Variants in KYAT1 observed in about 807,000 individuals in gnomAD.
KYAT1 encodes the protein kynurenine aminotransferase 1.
KYAT1 carries 47 observed loss-of-function variants against 52.4 expected under a neutral mutation model. The ratio of observed to expected loss-of-function variants is 0.90; its 90% CI spans 0.71 to 1.14. The LOEUF (loss-of-function observed/expected upper bound fraction) is 1.14, where lower values mean the gene tolerates loss of function less well. Ranked by LOEUF, KYAT1 falls within the 50% of genes most tolerant of loss-of-function variation. The pLI is 0.00. For missense variants in KYAT1, 480 were observed against 557.9 expected, an observed-to-expected ratio of 0.86 and a Z score of 1.41; for synonymous variants, 212 against 209.6, an observed-to-expected ratio of 1.01 and a Z score of -0.10.
rs146299835 is a variant in KYAT1, at chr9:128,837,359, T to C, written c.567+326A>G. Among the ~76,000 whole-genome samples, 22 of 152,320 alleles carry C rather than the reference T, an allele frequency of 1.4e-4. No homozygotes were observed. In the East Asian group the frequency reaches 3.9e-3, roughly 27 times the overall value. ...TAAGGGCTGTTCTGCACCATCACATTGGATCCCTGCAACACTGACCATGAG... is the reference window on the plus strand; with the variant it reads ...TAAGGGCTGTTCTGCACCATCACATCGGATCCCTGCAACACTGACCATGAG... On this transcript the variant is annotated intron_variant, in intron 6 of 12. Coordinates refer to ENST00000302586, the MANE Select transcript of KYAT1 (RefSeq NM_004059.5).
intron 1 of KYAT1, among the ~76,000 whole-genome samples, chr9:128,866,599 A>AAAAAG (rs369826708): frequency 8.1e-4 from 123 of 151,392 alleles, no homozygotes; most frequent in African/African-American, 2.6e-3. Flanking sequence ...ACTCTGTCTC[A>AAAAAG]AAAAGAAAAG....
intron 1 of KYAT1, among the ~76,000 whole-genome samples, chr9:128,866,814 G>A (rs1836452372): frequency 6.6e-6 from 1 of 151,504 alleles, no homozygotes; most frequent in Non-Finnish European, 1.5e-5. Flanking sequence ...GCTGAGGCAG[G>A]AGAATCGCTT....
chr9:128,848,139 C>T (rs1833398567), intron 1 of KYAT1, among the ~76,000 whole-genome samples: 2 of 151,750 alleles, frequency 1.3e-5, no homozygotes, highest in Non-Finnish European at 2.9e-5. Context: ...GGGCAACATA[C>T]TGAAACACCG....
chr9:128,857,288 G>C (rs758882846), intron 1 of KYAT1, among the ~76,000 whole-genome samples: 10 of 152,166 alleles, frequency 6.6e-5, no homozygotes, highest in East Asian at 1.9e-4. Context: ...TCAATAAAAA[G>C]TGAGGAAACT....
Position 128,837,743 on chromosome 9 carries a change from T to C in KYAT1, c.509A>G (p.Lys170Arg). Residue 170 changes from lysine to arginine, a missense_variant, in exon 6 of 13, where the codon AAA (lysine) becomes AGA (arginine). Physicochemically the swap from Lys to Arg is conservative, Grantham distance 26. Transcript: ENST00000302586. Reference protein sequence around the residue: ...WQLDPMELAGKFTSRTKALVL... With the variant: ...WQLDPMELAGRFTSRTKALVL... ...CAGGGCTTTGGTGCGTGATGTGAAT[T>C]TGCCGGCCAGCTCCATGGGGTCCAG... 1 of 1,614,078 alleles carries C rather than the reference T, an allele frequency of 6.2e-7. No homozygotes were observed. Among genetic ancestry groups the C allele is most frequent in the Middle Eastern group, 1.7e-4 (1 of 6,060 alleles).
chr9:128,857,077 CT>C (rs1444819260), intron 1 of KYAT1, among the ~76,000 whole-genome samples: 5 of 152,224 alleles, frequency 3.3e-5, no homozygotes, highest in African/African-American at 7.2e-5. Flanking sequence ...GCAATGCTGC[CT>C]TGTTATTCTT....
At chr9:128,846,915 T>C in intron 1 of KYAT1, 1 of 1,426,222 alleles carries the variant, frequency 7.0e-7, no homozygotes, top group Non-Finnish European at 9.4e-7. Context: ...CCTCGCTCAG[T>C]TCCCACTGCA....
intron 1 of KYAT1, among the ~76,000 whole-genome samples, chr9:128,867,145 C>T (rs1283076878): frequency 6.6e-6 from 1 of 152,082 alleles, no homozygotes; most frequent in South Asian, 2.1e-4. Context: ...ATAACACATA[C>T]CACTCTTTGA....
At chr9:128,847,381 C>T in intron 1 of KYAT1, 2 of 1,282,198 alleles carry the variant, frequency 1.6e-6, no homozygotes, top group Non-Finnish European at 2.2e-6. Flanking sequence ...GAGCCAGACC[C>T]CAGAAGCCCC....
At chr9:128,845,251 T>C in intron 2 of KYAT1, 102 bp downstream of exon 2, 2 of 866,408 alleles carry the variant, frequency 2.3e-6, no homozygotes, top group South Asian at 3.0e-5. Flanking sequence ...GCAGTCTGTG[T>C]ACCGCCACCA....
In KYAT1 at chr9:128,850,138, G is replaced by A. The variant is rs375268160; in HGVS notation, c.-6-4727C>T. Among the ~76,000 whole-genome samples the A allele has an allele frequency of 2.0e-5, 3 of 151,606 alleles. No individual in the cohort carries two copies. In the East Asian group the frequency reaches 5.9e-4, roughly 30 times the overall value. On this transcript the variant is annotated intron_variant, in intron 1 of 12. Coordinates refer to ENST00000302586, the MANE Select transcript of KYAT1 (RefSeq NM_004059.5). ...GGCCTGAAGTTGTTCTGCTCATGAC[G>A]GCCTCCCACAGTGTTAGGATTGCAG...
chr9:128,842,832 C>T (rs1832439537), intron 2 of KYAT1, 31 bp from the exon 3 acceptor site: 2 of 1,602,600 alleles, frequency 1.2e-6, no homozygotes, highest in Non-Finnish European at 1.7e-6. Flanking sequence ...CAGCACCAGC[C>T]CAGCCCTCCA....
chr9:128,846,319 A>G (rs758857010), intron 1 of KYAT1, among the ~76,000 whole-genome samples: 1 of 152,216 alleles, frequency 6.6e-6, no homozygotes, highest in Non-Finnish European at 1.5e-5. Flanking sequence ...TATCCCAGCT[A>G]CTTGGGAGGC....
intron 1 of KYAT1, among the ~76,000 whole-genome samples, chr9:128,863,375 G>A (rs1175590055): frequency 2.0e-5 from 3 of 151,728 alleles, no homozygotes; most frequent in Non-Finnish European, 2.9e-5. Context: ...GCTCACACCT[G>A]TAATCCCAGC....
At chr9:128,869,756 CTT>C (rs898055948) in intron 1 of KYAT1, among the ~76,000 whole-genome samples, 23 of 141,854 alleles carry the variant, frequency 1.6e-4, no homozygotes, top group Admixed American at 1.4e-4. Context: ...TGATAATGTA[CTT>C]TTTTTTTTTT....
chr9:128,874,353 C>G (rs941218679), intron 1 of KYAT1, among the ~76,000 whole-genome samples: 1 of 151,650 alleles, frequency 6.6e-6, no homozygotes, highest in African/African-American at 2.4e-5. Context: ...TGTTTGTTGC[C>G]AAGGCTGGAG....
chr9:128,865,350 T>TACATAC, intron 1 of KYAT1, among the ~76,000 whole-genome samples: 1 of 3,754 alleles, frequency 2.7e-4, no homozygotes, highest in African/African-American at 5.6e-4. Context: ...TATATATATA[T>TACATAC]ATATATATAT....
intron 6 of KYAT1, among the ~76,000 whole-genome samples, chr9:128,837,216 C>T (rs994196068): frequency 6.6e-5 from 10 of 152,172 alleles, no homozygotes; most frequent in Non-Finnish European, 1.3e-4. Flanking sequence ...ATTGCTTGAA[C>T]CCAGGAGGCA....
intron 1 of KYAT1, chr9:128,847,595 G>A: frequency 4.2e-6 from 5 of 1,191,042 alleles, no homozygotes; most frequent in Middle Eastern, 2.5e-4. Context: ...AAACAGCCCT[G>A]GCCAGAAAAT....
Sources: gnomAD v4.1 joint callset for allele counts (sites outside exome capture counted in the v4.1 genomes callset) on GRCh38, gnomAD v4.1.1 for gene constraint, MANE v1.5 for transcripts, NCBI Gene and HGNC (gene_info 2026-07-23, HGNC 2026-07-21) for gene names.